SYT12: variants seen among roughly 807,000 people sequenced by gnomAD.
The protein encoded by SYT12 is synaptotagmin 12, also known as synaptotagmin-12.
In SYT12, 27 loss-of-function variants were observed where a neutral mutation model predicts 39.5. The observed-to-expected ratio is 0.68, with a 90% confidence interval of 0.50 to 0.94. The LOEUF (loss-of-function observed/expected upper bound fraction) is 0.94, where lower values mean the gene tolerates loss of function less well. Ranked by LOEUF, SYT12 falls within the 40% of genes least tolerant of loss-of-function variation. The pLI, the probability that SYT12 is intolerant of heterozygous loss-of-function variation, is 0.00. For synonymous variants in SYT12, 233 were observed against 239.7 expected (o/e 0.97, Z 0.26); for missense variants, 536 against 572.6 (o/e 0.94, Z 0.65).
intron 3 of SYT12, among the ~76,000 whole-genome samples, chr11:67,017,420 T>A (rs1950067171): frequency 6.6e-6 from 1 of 151,216 alleles, no homozygotes; most frequent in Admixed American, 6.6e-5. Context: ...AGTGCAGTAG[T>A]GCGAACTAGG....
rs1428063346 is a variant in SYT12 at position 67,050,745 on chromosome 11, G to C, written c.*1988G>C. The C allele has an allele frequency of 1.3e-5, 2 of 152,374 alleles. No individual in the cohort carries two copies. Among genetic ancestry groups the C allele is most frequent in the African/African-American group, 4.8e-5 (2 of 41,442 alleles). 9.4% of individuals were successfully genotyped at this position (152,374 alleles called of 1,614,324 possible). A position where few individuals can be genotyped will look rare whatever the true frequency, so the allele number is the denominator to read the frequency against. On this transcript the variant is annotated 3_prime_UTR_variant, in exon 8 of 8. Coordinates refer to ENST00000527043, the MANE Select transcript of SYT12 (RefSeq NM_177963.4). ...TAACTGTGTGCCCAGGACAGCCGTG[G>C]TGGGGACCGGGTATGCCAACTGGAA...
At position 67,045,791 on chromosome 11, in the gene SYT12, A is replaced by C. The variant is rs568432576; in HGVS notation, c.1006A>C (p.Lys336Gln). ...YLLQDGRKMS[K>Q]KKTAVKRDDP... ...GCTGCAGGATGGGAGGAAGATGAGCAAAAAGAAGACAGCCGTGAAGAGGGA... is the reference window on the plus strand; with the variant it reads ...GCTGCAGGATGGGAGGAAGATGAGCCAAAAGAAGACAGCCGTGAAGAGGGA... Residue 336 changes from lysine (K) to glutamine (Q), a missense_variant, in exon 7 of 8, where the codon AAA (lysine) becomes CAA (glutamine). Transcript: ENST00000527043. 6.2e-7 allele frequency: 1 copy of C among 1,613,904 alleles called. No individual in the cohort carries two copies. The highest frequency in any genetic ancestry group is 1.3e-5 in the African/African-American group (1 of 74,950).
rs1854719042 is a variant in SYT12 at position 67,050,532 on chromosome 11, C to T, written c.*1775C>T. 1.3e-5 allele frequency: 2 copies of T among 152,474 alleles called. No individual in the cohort carries two copies. The highest frequency in any genetic ancestry group is 4.8e-5 in the African/African-American group (2 of 41,456). The allele number at this position is 152,474 out of a possible 1,614,324, so 9.4% of individuals were successfully genotyped here. A position where few individuals can be genotyped will look rare whatever the true frequency, so the allele number is the denominator to read the frequency against. On this transcript the variant is annotated 3_prime_UTR_variant, in exon 8 of 8. Coordinates refer to ENST00000527043, the MANE Select transcript of SYT12 (RefSeq NM_177963.4). ...TACCTGACACAGCCATGGCCCAGCCCCAAGGCCAGGCTGTCTACCCTATGG... is the reference window on the plus strand; with the variant it reads ...TACCTGACACAGCCATGGCCCAGCCTCAAGGCCAGGCTGTCTACCCTATGG...
At chr11:67,041,821 G>A (rs991906722) in intron 4 of SYT12, among the ~76,000 whole-genome samples, 4 of 152,240 alleles carry the variant, frequency 2.6e-5, no homozygotes, top group African/African-American at 9.6e-5. Context: ...AAGGCCAAGG[G>A]AACCTGTTGA....
At chr11:67,015,103 C>T (rs1465671143) in intron 3 of SYT12, among the ~76,000 whole-genome samples, 1 of 152,264 alleles carries the variant, frequency 6.6e-6, no homozygotes, top group South Asian at 2.1e-4. Context: ...CTCTCTGGCC[C>T]CTTACTTTCC....
chr11:67,024,826 C>T (rs913056184), intron 1 of SYT12, among the ~76,000 whole-genome samples: 4 of 152,188 alleles, frequency 2.6e-5, no homozygotes, highest in Admixed American at 6.5e-5. Flanking sequence ...GCCCAACTCC[C>T]GACCCTTCCC....
At chr11:67,046,868 T>C (rs1235510684) in intron 7 of SYT12, among the ~76,000 whole-genome samples, 2 of 152,196 alleles carry the variant, frequency 1.3e-5, no homozygotes, top group East Asian at 3.8e-4. Flanking sequence ...GTGATATTAG[T>C]AATAGCAACG....
chr11:67,027,412 A>C (rs1180950894), intron 1 of SYT12: 1 of 151,292 alleles, frequency 6.6e-6, no homozygotes, highest in Non-Finnish European at 1.5e-5. Context: ...AGGCAGGAGA[A>C]TCACTTGAAC....
At chr11:67,008,259 G>A (rs1454569198) in intron 1 of SYT12, among the ~76,000 whole-genome samples, 2 of 152,098 alleles carry the variant, frequency 1.3e-5, no homozygotes, top group Middle Eastern at 3.4e-3. Context: ...CGGCCAGGAA[G>A]CCCTTCTTAA....
chr11:67,014,597 C>T (rs1204350287), intron 3 of SYT12, among the ~76,000 whole-genome samples: 1 of 152,140 alleles, frequency 6.6e-6, no homozygotes, highest in Non-Finnish European at 1.5e-5. Flanking sequence ...GAGCTTGGGG[C>T]CTTGTGGGTG....
chr11:67,035,614 T>A (rs749746923), intron 3 of SYT12, among the ~76,000 whole-genome samples: 8 of 151,240 alleles, frequency 5.3e-5, no homozygotes, highest in Non-Finnish European at 1.0e-4. Flanking sequence ...CCCGCCACCA[T>A]GCCCAGCTAA....
upstream of SYT12, among the ~76,000 whole-genome samples, chr11:67,022,485 G>A (rs1448959357): frequency 6.6e-6 from 1 of 152,212 alleles, no homozygotes; most frequent in Non-Finnish European, 1.5e-5. Flanking sequence ...CGGGCAGGGA[G>A]GGACCTGTCC....
At chr11:67,043,967 TAGG>T (rs1275650598) in intron 5 of SYT12, 114 bp downstream of exon 5, 10 of 1,028,392 alleles carry the variant, frequency 9.7e-6, no homozygotes, top group South Asian at 7.5e-5. Context: ...CCATCATCAT[TAGG>T]AGAGCAGAGA....
intron 1 of SYT12, among the ~76,000 whole-genome samples, chr11:67,008,074 C>A (rs1191784824): frequency 6.6e-6 from 1 of 151,724 alleles, no homozygotes; most frequent in Non-Finnish European, 1.5e-5. Context: ...CTGCCTCAGC[C>A]TCCCGAGTAG....
At position 67,044,588 on chromosome 11, in the gene SYT12, C is replaced by A. The variant is rs201520196; in HGVS notation, c.838-5C>A. 3 of 1,612,048 alleles carry A rather than the reference C, an allele frequency of 1.9e-6. No individual in the cohort carries two copies. Among genetic ancestry groups the A allele is most frequent in the Non-Finnish European group, 2.5e-6 (3 of 1,179,316 alleles). On this transcript the variant is annotated splice_region_variant and splice_polypyrimidine_tract_variant and intron_variant, in intron 5 of 7. Transcript: ENST00000527043. ...AGCCCTCTGAGCCACCTGTCTGTCC[C>A]CCAGGCCGCCGATGCTGTGGGGGAG...
At chr11:67,040,565 T>C (rs529654465) in intron 4 of SYT12, among the ~76,000 whole-genome samples, 1 of 152,228 alleles carries the variant, frequency 6.6e-6, no homozygotes, top group African/African-American at 2.4e-5. Context: ...TGGGGCTGGT[T>C]GTGGTGGCTC....
chr11:67,045,200 C>T lies in SYT12; in HGVS notation c.958+487C>T, dbSNP rs566746447. ...TCCCCAGTCCCTCTCAAAGCAGTGA[C>T]CGTGGAGGCAGCTGTATTCTAGAGA... On this transcript the variant is annotated intron_variant, in intron 6 of 7. Coordinates refer to ENST00000527043, the MANE Select transcript of SYT12 (RefSeq NM_177963.4). 2.0e-5 allele frequency among the ~76,000 whole-genome samples: 3 copies of T among 151,346 alleles called. 1 individual carries two copies. The South Asian group carries it at 6.3e-4, about 32-fold the overall frequency.
chr11:67,030,309 G>C (rs760979865), intron 2 of SYT12, 131 bp downstream of exon 2: 1 of 1,095,850 alleles, frequency 9.1e-7, no homozygotes, highest in Admixed American at 2.3e-5. Flanking sequence ...AGGACAGTCA[G>C]TGACTTGCCC....
intron 3 of SYT12, among the ~76,000 whole-genome samples, chr11:67,016,074 A>G (rs908399663): frequency 1.3e-5 from 2 of 152,172 alleles, no homozygotes; most frequent in Non-Finnish European, 2.9e-5. Context: ...TGAGGTCAGG[A>G]GTTCGAGACC....
Sources: gnomAD v4.1 joint callset for allele counts (sites outside exome capture counted in the v4.1 genomes callset) on GRCh38, gnomAD v4.1.1 for gene constraint, MANE v1.5 for transcripts, NCBI Gene and HGNC (gene_info 2026-07-23, HGNC 2026-07-21) for gene names.